The following AP3S1 variants were observed in gnomAD, a reference collection of about 807,000 sequenced individuals.
The protein encoded by AP3S1 is adaptor related protein complex 3 subunit sigma 1.
In AP3S1, 12 loss-of-function variants were observed where a neutral mutation model predicts 21.3. The ratio of observed to expected loss-of-function variants is 0.56; its 90% CI spans 0.36 to 0.91. AP3S1 has a LOEUF of 0.91. Ranked by LOEUF, AP3S1 falls within the 40% of genes least tolerant of loss-of-function variation. AP3S1 has a pLI of 0.01. For synonymous variants in AP3S1, 48 were observed against 78.4 expected, an observed-to-expected ratio of 0.61 and a Z score of 2.05; for missense variants, 116 against 225.0, an observed-to-expected ratio of 0.52 and a Z score of 3.10.
Position 115,870,120 on chromosome 5 carries a change from C to T in AP3S1, c.265C>T (p.Leu89=). Residue 89 remains leucine (L), a synonymous_variant, in exon 3 of 6, where the codon CTA becomes TTA. Transcript: ENST00000316788. ...AGAAAGTGAACTTGGCATTTTAGAT[C>T]TAATTCAAGTAAGTTAACACTTGCT... The part of the protein sequence containing the change: ...SSESELGILD[L]IQVFVETLDK... The T allele has an allele frequency of 2.5e-6, 4 of 1,597,660 alleles. No individual in the cohort carries two copies. The highest frequency in any genetic ancestry group is 3.4e-6 in the Non-Finnish European group (4 of 1,169,462).
chr5:115,854,576 C>G (rs1343445203), intron 1 of AP3S1, among the ~76,000 whole-genome samples: 1 of 152,098 alleles, frequency 6.6e-6, no homozygotes, highest in Non-Finnish European at 1.5e-5. Context: ...TTAGGAGAGG[C>G]CTTGGCAGAA....
At chr5:115,863,169 G>A (rs1450721650) in intron 1 of AP3S1, among the ~76,000 whole-genome samples, 2 of 152,252 alleles carry the variant, frequency 1.3e-5, no homozygotes, top group African/African-American at 4.8e-5. Flanking sequence ...GGAGACCGAG[G>A]CGGGTGGATC....
intron 1 of AP3S1, among the ~76,000 whole-genome samples, chr5:115,861,760 T>C (rs1763203912): frequency 6.6e-6 from 1 of 151,980 alleles, no homozygotes; most frequent in Admixed American, 6.6e-5. Context: ...TTGACCAGGC[T>C]GGTCTTAAAC....
At chr5:115,884,101 C>T (rs1749553262) in intron 3 of AP3S1, among the ~76,000 whole-genome samples, 1 of 152,050 alleles carries the variant, frequency 6.6e-6, no homozygotes, top group South Asian at 2.1e-4. Flanking sequence ...TTGCACAGTT[C>T]AGTGGTTGCT....
intron 5 of AP3S1, among the ~76,000 whole-genome samples, chr5:115,905,974 G>A (rs1288983101): frequency 6.6e-6 from 1 of 152,108 alleles, no homozygotes; most frequent in Non-Finnish European, 1.5e-5. Flanking sequence ...TGGCAAATAT[G>A]GTGAAATCCC....
intron 3 of AP3S1, among the ~76,000 whole-genome samples, chr5:115,874,605 T>C (rs1037813803): frequency 6.6e-6 from 1 of 152,176 alleles, no homozygotes; most frequent in Admixed American, 6.5e-5. Context: ...AGATACGTTC[T>C]GACCATGTTG....
In AP3S1 at chr5:115,895,116, T is replaced by TG; in HGVS notation, c.304dup (p.Glu102GlyfsTer5). ...TTGTGGAAACATTAGACAAATGTTT[T>TG]GAAAATGTCTGTGAGCTGGATTTGA... On this transcript the variant is annotated frameshift_variant, in exon 4 of 6. Coordinates refer to ENST00000316788, the MANE Select transcript of AP3S1 (RefSeq NM_001284.4). LOFTEE classifies it high-confidence loss of function. 1 of 1,606,814 alleles carries TG rather than the reference T, an allele frequency of 6.2e-7. No individual in the cohort carries two copies. Among genetic ancestry groups the TG allele is most frequent in the Non-Finnish European group, 8.5e-7 (1 of 1,176,478 alleles).
intron 4 of AP3S1, among the ~76,000 whole-genome samples, chr5:115,900,990 ATAAT>A (rs1483939092): frequency 6.6e-6 from 1 of 152,176 alleles, no homozygotes; most frequent in Non-Finnish European, 1.5e-5. Context: ...TATGTGTCTA[ATAAT>A]TAATGTTGAT....
chr5:115,893,832 T>C (rs1023893333), intron 3 of AP3S1, among the ~76,000 whole-genome samples: 20 of 152,210 alleles, frequency 1.3e-4, no homozygotes, highest in African/African-American at 4.6e-4. Flanking sequence ...TACTATTATA[T>C]AATTTATTAT....
chr5:115,896,734 T>A (rs920215960), intron 4 of AP3S1, among the ~76,000 whole-genome samples: 1 of 152,174 alleles, frequency 6.6e-6, no homozygotes, highest in African/African-American at 2.4e-5. Flanking sequence ...GAGCCATGAT[T>A]GTGCCACTGA....
chr5:115,884,172 T>C (rs531804761), intron 3 of AP3S1, among the ~76,000 whole-genome samples: 2 of 152,340 alleles, frequency 1.3e-5, no homozygotes, highest in African/African-American at 4.8e-5. Flanking sequence ...ACGGAATTTA[T>C]ATATTTAATA....
intron 3 of AP3S1, among the ~76,000 whole-genome samples, chr5:115,877,285 C>T (rs1350760712): frequency 6.6e-6 from 1 of 152,068 alleles, no homozygotes; most frequent in African/African-American, 2.4e-5. Flanking sequence ...TTCCTGCACC[C>T]ATCAACCCGT....
intron 4 of AP3S1, among the ~76,000 whole-genome samples, chr5:115,896,024 A>G (rs1421354215): frequency 3.3e-5 from 5 of 152,180 alleles, no homozygotes; most frequent in Admixed American, 6.5e-5. Flanking sequence ...TTAGGTTTGT[A>G]TAATCTAAGA....
rs1490349215 is a variant in AP3S1 at position 115,853,225 on chromosome 5, A to C, written c.69+11119A>C. On this transcript the variant is annotated intron_variant, in intron 1 of 5. Transcript: ENST00000316788. The stretch of plus-strand genomic sequence containing the variant: ...TTCACTTACATTTTCCTGATGACAG[A>C]TGATGTTGAACATCTCTTCATGTGA... Among the ~76,000 whole-genome samples the C allele has an allele frequency of 2.0e-5, 3 of 152,210 alleles. No individual in the cohort carries two copies. In the East Asian group the frequency reaches 5.8e-4, roughly 29 times the overall value.
At chr5:115,846,973 G>A (rs1284300734) in intron 1 of AP3S1, among the ~76,000 whole-genome samples, 1 of 152,176 alleles carries the variant, frequency 6.6e-6, no homozygotes, top group Non-Finnish European at 1.5e-5. Context: ...ATTTGATTCA[G>A]CAAATCAATG....
rs146046508 is a variant in AP3S1, at chr5:115,891,655, C to T, written c.274-3432C>T. Among the ~76,000 whole-genome samples, 35 of 152,246 alleles carry T rather than the reference C, an allele frequency of 2.3e-4. 1 individual carries two copies. In the East Asian group the frequency reaches 6.2e-3, roughly 27 times the overall value. On this transcript the variant is annotated intron_variant, in intron 3 of 5. Coordinates refer to ENST00000316788, the MANE Select transcript of AP3S1 (RefSeq NM_001284.4). ...GTGGAAGGGAAATGTGGGGTCAGAG[C>T]CCCCACACAGAGTCCGTACTGGGGC...
At chr5:115,872,302 CATT>C (rs1336565221) in intron 3 of AP3S1, among the ~76,000 whole-genome samples, 4 of 151,930 alleles carry the variant, frequency 2.6e-5, no homozygotes, top group African/African-American at 9.7e-5. Flanking sequence ...GAAATAAAAA[CATT>C]GTTAATAAAA....
chr5:115,868,382 G>A (rs755619392), intron 2 of AP3S1, among the ~76,000 whole-genome samples: 1 of 152,072 alleles, frequency 6.6e-6, no homozygotes, highest in East Asian at 1.9e-4. Context: ...GTCATAGTCT[G>A]TAAATATACT....
chr5:115,873,374 C>G (rs80354399), intron 3 of AP3S1, among the ~76,000 whole-genome samples: 4,920 of 152,244 alleles, frequency 0.032, 284 homozygotes, highest in African/African-American at 0.11. Context: ...AGATAACATA[C>G]AGAAGAAAGG....
Sources: allele counts gnomAD v4.1 joint callset (sites outside exome capture counted in the v4.1 genomes callset), GRCh38; gene constraint gnomAD v4.1.1; transcripts MANE v1.5; gene names NCBI Gene and HGNC (gene_info 2026-07-23, HGNC 2026-07-21).